ATL2: variants seen among roughly 807,000 people sequenced by gnomAD.
ATL2 encodes the protein atlastin GTPase 2, also known as atlastin-2.
A neutral mutation model predicts 73.9 loss-of-function variants in ATL2; 31 were observed. The ratio of observed to expected loss-of-function variants is 0.42; its 90% CI spans 0.32 to 0.57. The LOEUF is 0.57. Ranked by LOEUF, ATL2 falls within the 20% of genes least tolerant of loss-of-function variation. The pLI is 0.14. For missense variants in ATL2, 738 were observed against 702.6 expected, an observed-to-expected ratio of 1.05 and a Z score of -0.57; for synonymous variants, 291 against 237.5, an observed-to-expected ratio of 1.23 and a Z score of -2.07.
At chr2:38,368,161 C>A (rs1449662361) in intron 1 of ATL2, among the ~76,000 whole-genome samples, 1 of 151,424 alleles carries the variant, frequency 6.6e-6, no homozygotes, top group African/African-American at 2.4e-5. Context: ...GCCTCTATCT[C>A]CTGACCTCAT....
At chr2:38,344,795 G>A (rs1669927869) in intron 1 of ATL2, among the ~76,000 whole-genome samples, 1 of 152,128 alleles carries the variant, frequency 6.6e-6, no homozygotes. Flanking sequence ...CATTAAAGAA[G>A]AGTCAGTGAG....
In ATL2 at chr2:38,294,066, A is replaced by G. The variant is rs1666750731; in HGVS notation, c.*1928T>C. Among the ~76,000 whole-genome samples, 1 of 152,248 alleles carries G rather than the reference A, an allele frequency of 6.6e-6. No individual in the cohort carries two copies. Among genetic ancestry groups the G allele is most frequent in the Non-Finnish European group, 1.5e-5 (1 of 68,042 alleles). On this transcript the variant is annotated 3_prime_UTR_variant, in exon 13 of 13. Transcript: ENST00000378954. ...AGCATTCATAAAACAGGGTGGCAGA[A>G]GAAATAAAAAGACACTTTTCAGGTG...
In ATL2 at chr2:38,318,929, C is replaced by T. The variant is rs1668174958; in HGVS notation, c.454G>A (p.Val152Ile). The change falls in exon 3 of 13, where the codon GTT becomes ATT. Residue 152 changes from valine to isoleucine, a missense_variant. By Grantham distance (29) the Val-to-Ile change is conservative. Coordinates refer to ENST00000378954, the MANE Select transcript of ATL2 (RefSeq NM_001135673.4). ...GCERETTGIQ[V>I]WNEVFVIDRP... ...TCAATCACAAATACTTCATTCCAAA[C>T]TTGTATGCCTGTTGTTTCTCTTTCA... is the stretch of plus-strand genomic sequence containing the variant. 10 of 1,613,916 alleles carry T rather than the reference C, an allele frequency of 6.2e-6. No individual in the cohort carries two copies. Among genetic ancestry groups the T allele is most frequent in the Non-Finnish European group, 8.5e-6 (10 of 1,179,970 alleles).
intron 1 of ATL2, among the ~76,000 whole-genome samples, chr2:38,366,202 G>C (rs1671324121): frequency 6.6e-6 from 1 of 151,854 alleles, no homozygotes; most frequent in African/African-American, 2.4e-5. Context: ...ATTCCTTGTA[G>C]TAAATAAACA....
upstream of ATL2, chr2:38,377,413 T>A (rs1056618645): frequency 1.6e-5 from 9 of 574,934 alleles, 1 homozygote; most frequent in East Asian, 3.1e-4. Flanking sequence ...GCCCTCCGCC[T>A]GTATCTCCTC....
Position 38,318,654 on chromosome 2 carries a change from G to T in ATL2, c.499-15C>A. 1 of 1,561,670 alleles carries T rather than the reference G, an allele frequency of 6.4e-7. No homozygotes were observed. Among genetic ancestry groups the T allele is most frequent in the Non-Finnish European group, 8.6e-7 (1 of 1,157,012 alleles). On this transcript the variant is annotated splice_polypyrimidine_tract_variant and intron_variant, in intron 3 of 12. Transcript: ENST00000378954. ...AGCACAGCAACCTAGGAATTTGAGA[G>T]TTTAAAATATTTAGTAAAACAGTTG...
intron 4 of ATL2, 110 bp from the exon 5 acceptor site, chr2:38,315,444 G>A (rs552959410): frequency 7.2e-5 from 82 of 1,132,594 alleles, no homozygotes; most frequent in Admixed American, 2.9e-4. Context: ...CAGCGCAAAG[G>A]AATCATTTAA....
chr2:38,368,308 A>G (rs1260754943), intron 1 of ATL2, among the ~76,000 whole-genome samples: 1 of 149,302 alleles, frequency 6.7e-6, no homozygotes, highest in Non-Finnish European at 1.5e-5. Flanking sequence ...GCTGGAGCGC[A>G]ATGGTGCAAT....
rs1402326432 is a variant in ATL2 at position 38,295,830 on chromosome 2, A to C, written c.*164T>G. 1 of 591,222 alleles carries C rather than the reference A, an allele frequency of 1.7e-6. No individual in the cohort carries two copies. Among genetic ancestry groups the C allele is most frequent in the African/African-American group, 1.9e-5 (1 of 52,896 alleles). 36.6% of individuals were successfully genotyped at this position (591,222 alleles called of 1,614,324 possible). A position where few individuals can be genotyped will look rare whatever the true frequency, so the allele number is the denominator to read the frequency against. ...TTAGGAGCCATTAAAAGAATGCTTA[A>C]AACTAACAAACAATCTTCACACTCT... On this transcript the variant is annotated 3_prime_UTR_variant, in exon 13 of 13. Transcript: ENST00000378954.
chr2:38,304,166 CA>C (rs1213644211), intron 9 of ATL2, among the ~76,000 whole-genome samples: 1 of 152,240 alleles, frequency 6.6e-6, no homozygotes, highest in African/African-American at 2.4e-5. Context: ...AGAAAAGAAA[CA>C]AACAACATAC....
rs759453659 is a variant in ATL2 at position 38,325,623 on chromosome 2, T to TAC, written c.364-6606_364-6605dup. 1.6e-4 allele frequency among the ~76,000 whole-genome samples: 15 copies of TAC among 93,438 alleles called. 1 individual carries two copies. The highest frequency in any genetic ancestry group is 7.7e-4 in the African/African-American group (15 of 19,588). 61.3% of individuals were successfully genotyped at this position (93,438 alleles called of 152,430 possible). ...TAACCACTATCTACACACACACCAG[T>TAC]ACATACACACACACACACACACACA... On this transcript the variant is annotated intron_variant, in intron 2 of 12. Coordinates refer to ENST00000378954, the MANE Select transcript of ATL2 (RefSeq NM_001135673.4).
At position 38,296,108 on chromosome 2, in the gene ATL2, C is replaced by CAAT; in HGVS notation, c.1635_1637dup (p.Leu546dup). On this transcript the variant is annotated inframe_insertion, in exon 13 of 13. Coordinates refer to ENST00000378954, the MANE Select transcript of ATL2 (RefSeq NM_001135673.4). Reference sequence around the variant, plus strand: ...CCATCAAATTATCACCCAGGGGCTTCAATACCTGTGGTATGAGAAATGTGC... The same window carrying CAAT: ...CCATCAAATTATCACCCAGGGGCTTCAATAATACCTGTGGTATGAGAAATGTGC... 1 of 1,550,122 alleles carries CAAT rather than the reference C, an allele frequency of 6.5e-7. No homozygotes were observed. Among genetic ancestry groups the CAAT allele is most frequent in the African/African-American group, 1.4e-5 (1 of 73,068 alleles).
At chr2:38,360,914 G>C (rs1291069970) in intron 1 of ATL2, among the ~76,000 whole-genome samples, 1 of 148,854 alleles carries the variant, frequency 6.7e-6, no homozygotes, top group Admixed American at 6.6e-5. Context: ...GTTCACCAAA[G>C]TATTGTTGGT....
rs1238722654 is a variant in ATL2 at position 38,343,450 on chromosome 2, C to T, written c.181G>A (p.Val61Ile). Reference protein sequence around the residue: ...SDEVMKKPCPVQIVLAHEDDH... With the variant: ...SDEVMKKPCPIQIVLAHEDDH... The stretch of plus-strand genomic sequence containing the variant: ...TCTTCATGAGCAAGAACAATCTGTA[C>T]TGGACATGGTTTCTTCATAACCTCA... The change falls in exon 2 of 13, where the codon GTA becomes ATA. Residue 61 changes from valine to isoleucine, a missense_variant. Val to Ile is a conservative substitution (Grantham distance 29). Transcript: ENST00000378954. 13 of 1,612,268 alleles carry T rather than the reference C, an allele frequency of 8.1e-6. No individual in the cohort carries two copies. The highest frequency in any genetic ancestry group is 4.5e-5 in the East Asian group (2 of 44,858).
chr2:38,314,778 C>G (rs963903825), intron 5 of ATL2, 114 bp from the exon 6 acceptor site: 4 of 658,278 alleles, frequency 6.1e-6, no homozygotes, highest in Non-Finnish European at 2.5e-6. Flanking sequence ...CATTTCAAAG[C>G]CAAACATTTA....
chr2:38,319,058 T>G, intron 2 of ATL2, 39 bp from the exon 3 acceptor site: 1 of 1,583,764 alleles, frequency 6.3e-7, no homozygotes, highest in African/African-American at 1.4e-5. Flanking sequence ...ACAACACAAT[T>G]AAGAAATAAA....
rs1353202005 is a variant in ATL2 at position 38,318,737 on chromosome 2, A to C, written c.499-98T>G. On this transcript the variant is annotated intron_variant, in intron 3 of 12. Transcript: ENST00000378954. ...AATTTGAAAAGCAGTAATTAAATCA[A>C]GAAAAGTACTTATATCTCATACATT... 21 of 1,330,228 alleles carry C rather than the reference A, an allele frequency of 1.6e-5. No individual in the cohort carries two copies. The Admixed American group carries it at 5.3e-4, about 34-fold the overall frequency. 82.4% of individuals were successfully genotyped at this position (1,330,228 alleles called of 1,614,324 possible). A position where few individuals can be genotyped will look rare whatever the true frequency, so the allele number is the denominator to read the frequency against.
intron 6 of ATL2, among the ~76,000 whole-genome samples, chr2:38,313,451 C>T (rs948104663): frequency 6.6e-6 from 1 of 152,112 alleles, no homozygotes; most frequent in South Asian, 2.1e-4. Flanking sequence ...ATCGCTGCCA[C>T]TGAAGAACTT....
chr2:38,352,256 G>T (rs1332762297), intron 1 of ATL2, among the ~76,000 whole-genome samples: 1 of 151,980 alleles, frequency 6.6e-6, no homozygotes, highest in Non-Finnish European at 1.5e-5. Flanking sequence ...GTATTTGGGG[G>T]AGGGAGGATA....
Sources: gnomAD v4.1 joint callset for allele counts (sites outside exome capture counted in the v4.1 genomes callset) on GRCh38, gnomAD v4.1.1 for gene constraint, MANE v1.5 for transcripts, NCBI Gene and HGNC (gene_info 2026-07-23, HGNC 2026-07-21) for gene names.